Variants in KDF1 observed in about 807,000 individuals in gnomAD.
KDF1 encodes the protein RP11-344H11.3.
Under a neutral mutation model 31.6 loss-of-function variants are expected in KDF1, and 11 were observed. The ratio of observed to expected loss-of-function variants is 0.35; its 90% CI spans 0.22 to 0.58. KDF1 has a LOEUF of 0.58. Among genes scored for constraint, KDF1 ranks in the 20% least tolerant of loss-of-function variants. KDF1 has a pLI of 0.83. For missense variants in KDF1, 476 were observed against 549.1 expected (o/e 0.87, Z 1.33); for synonymous variants, 205 against 214.4 (o/e 0.96, Z 0.38).
rs2082395207 is a variant in KDF1 at position 26,960,279 on chromosome 1, C to T, written c.-33+71G>A. 6.6e-6 allele frequency: 1 copy of T among 152,198 alleles called. No homozygotes were observed. 9.4% of individuals were successfully genotyped at this position (152,198 alleles called of 1,614,324 possible). On this transcript the variant is annotated intron_variant, in intron 1 of 3. Transcript: ENST00000320567. The surrounding 1 kb of genome is among the most constrained non-coding windows in gnomAD (Gnocchi z 4.9). ...GGCCCGGGACCCTCTCCTGTCCGGG[C>T]TCAGCTTCGGGGGGCTCCCGACACC...
rs751208270 is a variant in KDF1 at position 26,950,729 on chromosome 1, G to A, written c.1067C>T (p.Thr356Met). 1.1e-5 allele frequency: 17 copies of A among 1,613,964 alleles called. No individual in the cohort carries two copies. Among genetic ancestry groups the A allele is most frequent in the African/African-American group, 2.7e-5 (2 of 74,900 alleles). Residue 356 changes from threonine to methionine, a missense_variant, in exon 3 of 4, where the codon ACG becomes ATG. Transcript: ENST00000320567. The surrounding 1 kb of genome is among the most constrained non-coding windows in gnomAD (Gnocchi z 4.0). ...CTTCCGGGCGATGGCATCTGCAGTC[G>A]TCTCCTGGGAGATCTGCACTGTCAG... ...DELTVQISQE[T>M]TADAIARKLR...
At chr1:26,958,297 G>A (rs78153480) in intron 1 of KDF1, among the ~76,000 whole-genome samples, 312 of 151,410 alleles carry the variant, frequency 2.1e-3, no homozygotes, top group African/African-American at 7.2e-3. Flanking sequence ...GCCACGCCTG[G>A]CTAATTTTTT....
In KDF1 at chr1:26,960,034, C is replaced by T. The variant is rs1019450765; in HGVS notation, c.-33+316G>A. On this transcript the variant is annotated intron_variant, in intron 1 of 3. Transcript: ENST00000320567. The surrounding 1 kb of genome is among the most constrained non-coding windows in gnomAD (Gnocchi z 4.9). ...CCTACCCCGCGGGCGGACCCAGCCT[C>T]CCTCCCGTCCCGACGCTGTTCCTCG... Among the ~76,000 whole-genome samples the T allele has an allele frequency of 1.3e-5, 2 of 152,188 alleles. No individual in the cohort carries two copies. Among genetic ancestry groups the T allele is most frequent in the Admixed American group, 6.5e-5 (1 of 15,284 alleles).
chr1:26,954,999 A>C (rs1452092992), intron 1 of KDF1, among the ~76,000 whole-genome samples: 1 of 151,340 alleles, frequency 6.6e-6, no homozygotes, highest in Non-Finnish European at 1.5e-5. Context: ...CTGGGATTAC[A>C]GACGTCCGCT....
chr1:26,954,705 C>T (rs1303731323), intron 1 of KDF1, among the ~76,000 whole-genome samples: 1 of 149,736 alleles, frequency 6.7e-6, no homozygotes, highest in Non-Finnish European at 1.5e-5. Flanking sequence ...TGGTGATGGG[C>T]ACGTGTAATC....
rs2082338421 is a variant in KDF1 at position 26,949,800 on chromosome 1, T to C, written c.*269A>G. 1.7e-5 allele frequency: 7 copies of C among 420,660 alleles called. No homozygotes were observed. Among genetic ancestry groups the C allele is most frequent in the Admixed American group, 7.4e-5 (2 of 26,996 alleles). The allele number at this position is 420,660 out of a possible 1,614,324, so 26.1% of individuals were successfully genotyped here. Reference sequence around the variant, plus strand: ...CTCCCAGAAGGTAATGCCTAACTCCTTACTTTCCATGATCAGGCCACCTGA... The same window carrying C: ...CTCCCAGAAGGTAATGCCTAACTCCCTACTTTCCATGATCAGGCCACCTGA... On this transcript the variant is annotated 3_prime_UTR_variant, in exon 4 of 4. Coordinates refer to ENST00000320567, the MANE Select transcript of KDF1 (RefSeq NM_152365.3).
chr1:26,952,944 A>G lies in KDF1; in HGVS notation c.-32-532T>C, dbSNP rs2082359767. Among the ~76,000 whole-genome samples, 1 of 151,942 alleles carries G rather than the reference A, an allele frequency of 6.6e-6. No homozygotes were observed. ...GGTTGCAGTGAGCCAAGATCACGCC[A>G]TTGCACTCCAGCCTGGGCAACAGGG... On this transcript the variant is annotated intron_variant, in intron 1 of 3. Transcript: ENST00000320567. The surrounding 1 kb of genome is among the most constrained non-coding windows in gnomAD (Gnocchi z 4.1).
In KDF1 at chr1:26,951,914, C is replaced by T; in HGVS notation, c.467G>A (p.Gly156Asp). The T allele has an allele frequency of 6.2e-7, 1 of 1,606,616 alleles. No homozygotes were observed. The highest frequency in any genetic ancestry group is 8.5e-7 in the Non-Finnish European group (1 of 1,175,152). Residue 156 changes from glycine to aspartate, a missense_variant, in exon 2 of 4, where the codon GGC (glycine) becomes GAC (aspartate). Physicochemically the swap from Gly to Asp is moderately conservative, Grantham distance 94. This residue lies in a region of KDF1 where 330 missense variants were observed against 332.3 expected (regional missense o/e 0.99). Coordinates refer to ENST00000320567, the MANE Select transcript of KDF1 (RefSeq NM_152365.3). This position sits in a 1 kb window ranked among gnomAD's most constrained non-coding sequence, Gnocchi z 5.4. ...RDGQRLKSTM[G>D]SSFSYPDVKL... ...AACATCGGGGTAGCTGAAGCTGCTG[C>T]CCATGGTTGACTTGAGCCGCTGGCC...
chr1:26,959,403 C>T (rs2082391028), intron 1 of KDF1, among the ~76,000 whole-genome samples: 1 of 152,106 alleles, frequency 6.6e-6, no homozygotes, highest in Non-Finnish European at 1.5e-5. Context: ...AGGGGAGACT[C>T]CCTGTCCCTA....
chr1:26,952,763 C>T lies in KDF1; in HGVS notation c.-32-351G>A, dbSNP rs1355870976. ...TGGGAGGCCGAGGCAGGCAGATCAC[C>T]TGAGGTCAGGAGTTCGAGACCAACC... On this transcript the variant is annotated intron_variant, in intron 1 of 3. Coordinates refer to ENST00000320567, the MANE Select transcript of KDF1 (RefSeq NM_152365.3). The surrounding 1 kb of genome is among the most constrained non-coding windows in gnomAD (Gnocchi z 4.1). 6.6e-6 allele frequency among the ~76,000 whole-genome samples: 1 copy of T among 151,942 alleles called. No individual in the cohort carries two copies. Among genetic ancestry groups the T allele is most frequent in the Non-Finnish European group, 1.5e-5 (1 of 67,982 alleles).
intron 1 of KDF1, among the ~76,000 whole-genome samples, chr1:26,956,052 A>G (rs2082376196): frequency 6.6e-6 from 1 of 152,192 alleles, no homozygotes; most frequent in African/African-American, 2.4e-5. Context: ...AAGATTATGC[A>G]GTAGTGTATT....
rs1247514208 is a variant in KDF1, at chr1:26,951,458, T to C, written c.923A>G (p.Lys308Arg). The stretch of plus-strand genomic sequence containing the variant: ...CGAGGTCTGTGGGCGAGCACGGCTC[T>C]TTCGGGTACTAATGCGAATGATGCC... Reference protein sequence around the residue: ...VRGIIRISTRKSRARPQTSEG... With the variant: ...VRGIIRISTRRSRARPQTSEG... Residue 308 changes from lysine to arginine, a missense_variant, in exon 2 of 4, where the codon AAG becomes AGG. This residue lies in a region of KDF1 where 146 missense variants were observed against 216.8 expected (regional missense o/e 0.67). Transcript: ENST00000320567. The surrounding 1 kb of genome is among the most constrained non-coding windows in gnomAD (Gnocchi z 5.4). 1 of 1,613,790 alleles carries C rather than the reference T, an allele frequency of 6.2e-7. No individual in the cohort carries two copies. Among genetic ancestry groups the C allele is most frequent in the African/African-American group, 1.3e-5 (1 of 74,954 alleles).
Position 26,950,829 on chromosome 1 carries a change from A to G in KDF1, c.1040-73T>C, listed in dbSNP as rs755161386. 128 of 1,367,312 alleles carry G rather than the reference A, an allele frequency of 9.4e-5. 1 individual carries two copies. Among genetic ancestry groups the G allele is most frequent in the Middle Eastern group, 1.8e-4 (1 of 5,498 alleles). 84.7% of individuals were successfully genotyped at this position (1,367,312 alleles called of 1,614,324 possible). A position where few individuals can be genotyped will look rare whatever the true frequency, so the allele number is the denominator to read the frequency against. On this transcript the variant is annotated intron_variant, in intron 2 of 3. Transcript: ENST00000320567. The surrounding 1 kb of genome is among the most constrained non-coding windows in gnomAD (Gnocchi z 4.0). ...AACCCTATTTCCTACTTCTGTTCCC[A>G]GCCCGATGAGGGAGGAGCCACTCAC...
At chr1:26,954,527 T>C (rs994941700) in intron 1 of KDF1, among the ~76,000 whole-genome samples, 39 of 150,724 alleles carry the variant, frequency 2.6e-4, no homozygotes, top group Non-Finnish European at 4.9e-4. Context: ...CCTGGCCAAA[T>C]GTGGTTTCTT....
At chr1:26,959,354 C>T (rs1468775677) in intron 1 of KDF1, among the ~76,000 whole-genome samples, 1 of 152,138 alleles carries the variant, frequency 6.6e-6, no homozygotes, top group African/African-American at 2.4e-5. Flanking sequence ...CCCGCCACCA[C>T]CCCGCCCAAT....
Position 26,958,153 on chromosome 1 carries a change from GA to G in KDF1, c.-33+2196del, listed in dbSNP as rs775427583. Among the ~76,000 whole-genome samples the G allele has an allele frequency of 3.8e-3, 447 of 119,022 alleles. 4 individuals are homozygous for G. Among genetic ancestry groups the G allele is most frequent in the Admixed American group, 9.7e-3 (106 of 10,894 alleles). 78.1% of individuals were successfully genotyped at this position (119,022 alleles called of 152,430 possible). On this transcript the variant is annotated intron_variant, in intron 1 of 3. Transcript: ENST00000320567. ...TTCTTTTTTTTTTTTTTTTTTTTGA[GA>G]TGGAGTCTCACTCTGTTGCCCAGTC...
At chr1:26,953,274 G>A (rs1158716234) in intron 1 of KDF1, among the ~76,000 whole-genome samples, 1 of 152,124 alleles carries the variant, frequency 6.6e-6, no homozygotes, top group Non-Finnish European at 1.5e-5. Flanking sequence ...ATGAGTGTTG[G>A]CAATAATGTG....
rs773434183 is a variant in KDF1 at position 26,950,087 on chromosome 1, C to T, written c.1179G>A (p.Leu393=). 1 of 1,613,904 alleles carries T rather than the reference C, an allele frequency of 6.2e-7. No individual in the cohort carries two copies. Among genetic ancestry groups the T allele is most frequent in the East Asian group, 2.2e-5 (1 of 44,872 alleles). Residue 393 remains leucine (L), a synonymous_variant, in exon 4 of 4, where the codon TTG becomes TTA. Transcript: ENST00000320567. This position sits in a 1 kb window ranked among gnomAD's most constrained non-coding sequence, Gnocchi z 4.0. ...GCAGGGGTTAGCAGTACACCTGGAGCAAGGGTGCCCCCGACGAGTCTGTGT... is the reference window on the plus strand; with the variant it reads ...GCAGGGGTTAGCAGTACACCTGGAGTAAGGGTGCCCCCGACGAGTCTGTGT... ...GTDTDSSGAP[L]LQVYC is the part of the protein sequence containing the mutation.
In KDF1 at chr1:26,952,109, C is replaced by T. The variant is rs1303881429; in HGVS notation, c.272G>A (p.Cys91Tyr). The T allele has an allele frequency of 6.2e-7, 1 of 1,613,262 alleles. No homozygotes were observed. The highest frequency in any genetic ancestry group is 1.3e-5 in the African/African-American group (1 of 74,924). ...WVWEWCRAAF[C>Y]FRRCRDCLQR... ...GAGGCAATCCCGGCAGCGGCGGAAG[C>T]AGAAGGCAGCCCGGCACCACTCCCA... is the stretch of plus-strand genomic sequence containing the variant. The change falls in exon 2 of 4, where the codon TGC (cysteine) becomes TAC (tyrosine). Residue 91 changes from cysteine (C) to tyrosine (Y), a missense_variant. Cys to Tyr is a radical substitution (Grantham distance 194). This residue lies in a region of KDF1 where 330 missense variants were observed against 332.3 expected (regional missense o/e 0.99). Coordinates refer to ENST00000320567, the MANE Select transcript of KDF1 (RefSeq NM_152365.3). This position sits in a 1 kb window ranked among gnomAD's most constrained non-coding sequence, Gnocchi z 4.1.
Sources: allele counts gnomAD v4.1 joint callset (sites outside exome capture counted in the v4.1 genomes callset), GRCh38; gene constraint gnomAD v4.1.1; regional missense constraint gnomAD v4.1.1; non-coding constraint Gnocchi (gnomAD v3.1); transcripts MANE v1.5; gene names NCBI Gene and HGNC (gene_info 2026-07-23, HGNC 2026-07-21).